OR8B2: variants seen among roughly 807,000 people sequenced by gnomAD.
The protein encoded by OR8B2 is olfactory receptor 8B2.
For synonymous variants in OR8B2, 98 were observed against 138.2 expected (o/e 0.71, Z 2.04); for missense variants, 304 against 379.6 (o/e 0.80, Z 1.65).
At position 124,382,449 on chromosome 11, in the gene OR8B2, C is replaced by A. The variant is rs775515025; in HGVS notation, c.895G>T (p.Ala299Ser). 14 of 1,613,314 alleles carry A rather than the reference C, an allele frequency of 8.7e-6. No homozygotes were observed. In the East Asian group the frequency reaches 2.7e-4, roughly 31 times the overall value. ...YSLRNKDVKV[A>S]LRKALIKIQR... ...ATTTTAATCAGAGCTTTCCTCAGTGCAACTTTGACATCCTTGTTCCTCAAA... is the reference window on the plus strand; with the variant it reads ...ATTTTAATCAGAGCTTTCCTCAGTGAAACTTTGACATCCTTGTTCCTCAAA... Residue 299 changes from alanine to serine, a missense_variant, in exon 2 of 2, where the codon GCA becomes TCA. Physicochemically the swap from Ala to Ser is moderately conservative, Grantham distance 99. Coordinates refer to ENST00000641451, the MANE Select transcript of OR8B2 (RefSeq NM_001005468.2).
chr11:124,384,696 A>ATCC (rs775420229), upstream of OR8B2, among the ~76,000 whole-genome samples: 6 of 152,218 alleles, frequency 3.9e-5, no homozygotes, highest in Non-Finnish European at 8.8e-5. Flanking sequence ...CTGATTACAT[A>ATCC]CCAACAGTAA....
chr11:124,396,179 C>A, the OR8B2 span: 1 of 437,552 alleles, frequency 2.3e-6, no homozygotes, highest in Non-Finnish European at 4.0e-6. Flanking sequence ...TGAAAAATAT[C>A]AGTGCATATG....
At chr11:124,386,777 A>T (rs1364427241), upstream of OR8B2, among the ~76,000 whole-genome samples, 4 of 151,318 alleles carry the variant, frequency 2.6e-5, no homozygotes, top group African/African-American at 4.9e-5. Flanking sequence ...ATACCCAGTA[A>T]TGGGATGGCT....
At position 124,382,769 on chromosome 11, in the gene OR8B2, G is replaced by A. The variant is rs1860617006; in HGVS notation, c.575C>T (p.Thr192Ile). 2.5e-6 allele frequency: 4 copies of A among 1,613,494 alleles called. No homozygotes were observed. Among genetic ancestry groups the A allele is most frequent in the Admixed American group, 3.3e-5 (2 of 59,916 alleles). Residue 192 changes from threonine (T) to isoleucine (I), a missense_variant, in exon 2 of 2, where the codon ACC (threonine) becomes ATC (isoleucine). Transcript: ENST00000641451. ...LPLLQLSCTS[T>I]YVNEVVVLIV... The stretch of plus-strand genomic sequence containing the variant: ...GAGAACAACCACCTCGTTGACATAG[G>A]TGCTGGTGCAGGAAAGCTGGAGGAG...
chr11:124,385,107 T>C (rs1274551455), upstream of OR8B2, among the ~76,000 whole-genome samples: 2 of 152,156 alleles, frequency 1.3e-5, no homozygotes, highest in African/African-American at 4.8e-5. Flanking sequence ...TTGTGTAACA[T>C]AGAATGATCC....
chr11:124,395,636 AT>A, the OR8B2 span: 1 of 152,154 alleles, frequency 6.6e-6, no homozygotes. Context: ...TTTTTTCAAA[AT>A]TTTCAATGCT....
the OR8B2 span, among the ~76,000 whole-genome samples, chr11:124,390,201 A>G: frequency 6.6e-6 from 1 of 152,196 alleles, no homozygotes; most frequent in African/African-American, 2.4e-5. Flanking sequence ...TAGGTAATGT[A>G]GTGAAAGAGG....
chr11:124,397,253 C>T, the OR8B2 span: 3 of 1,510,248 alleles, frequency 2.0e-6, no homozygotes, highest in Non-Finnish European at 1.8e-6. Context: ...CAATGTAGAC[C>T]ACTAGAAACA....
At chr11:124,395,140 A>G in the OR8B2 span, among the ~76,000 whole-genome samples, 1 of 151,948 alleles carries the variant, frequency 6.6e-6, no homozygotes, top group Non-Finnish European at 1.5e-5. Context: ...AACCATACAA[A>G]AAAAAAAAGC....
At chr11:124,396,587 C>T in the OR8B2 span, 124 of 1,612,348 alleles carry the variant, frequency 7.7e-5, no homozygotes, top group Non-Finnish European at 9.9e-5. Context: ...ACATGAATGC[C>T]GCTGACCCAA....
upstream of OR8B2, among the ~76,000 whole-genome samples, chr11:124,385,491 CGTGTGTGTGTGT>C (rs57427804): frequency 6.8e-6 from 1 of 147,984 alleles, no homozygotes. Flanking sequence ...ATTTAACATG[CGTGTGTGTGTGT>C]GTGTGTGTGT....
At chr11:124,391,355 G>A in the OR8B2 span, among the ~76,000 whole-genome samples, 5 of 150,962 alleles carry the variant, frequency 3.3e-5, no homozygotes, top group Non-Finnish European at 7.4e-5. Flanking sequence ...CAATAAAATT[G>A]ATAGACCACT....
At chr11:124,393,779 C>T in the OR8B2 span, among the ~76,000 whole-genome samples, 1 of 151,720 alleles carries the variant, frequency 6.6e-6, no homozygotes, top group East Asian at 1.9e-4. Context: ...GACTATAAAT[C>T]ATGCTGCTAT....
the OR8B2 span, chr11:124,396,277 C>T: frequency 1.2e-6 from 1 of 858,918 alleles, no homozygotes; most frequent in African/African-American, 1.7e-5. Context: ...AAGATGATTT[C>T]ATAAGAGAAA....
the OR8B2 span, among the ~76,000 whole-genome samples, chr11:124,393,912 A>T: frequency 6.6e-6 from 1 of 151,284 alleles, no homozygotes; most frequent in Non-Finnish European, 1.5e-5. Context: ...ACACCATGGA[A>T]TACTATGCAG....
the OR8B2 span, among the ~76,000 whole-genome samples, chr11:124,390,002 G>A: frequency 6.6e-6 from 1 of 152,150 alleles, no homozygotes. Context: ...ATAGAAAGGG[G>A]ATGCATAACC....
chr11:124,383,244 T>G lies in OR8B2; in HGVS notation c.100A>C (p.Ile34Leu). 6.4e-7 allele frequency: 1 copy of G among 1,559,946 alleles called. No homozygotes were observed. Among genetic ancestry groups the G allele is most frequent in the Non-Finnish European group, 8.8e-7 (1 of 1,131,312 alleles). ...TTGCCTACCATGGTGACAATGTAGA[T>G]CACTAGAAACAGGAAAAAGAGGGGT... ...RQPLFFLFLV[I>L]YIVTMVGNLG... is the part of the protein sequence containing the mutation. The change falls in exon 2 of 2, where the codon ATC becomes CTC. Residue 34 changes from isoleucine (I) to leucine (L), a missense_variant. Physicochemically the swap from Ile to Leu is conservative, Grantham distance 5. Coordinates refer to ENST00000641451, the MANE Select transcript of OR8B2 (RefSeq NM_001005468.2).
At chr11:124,385,647 TA>T (rs1591431100), upstream of OR8B2, among the ~76,000 whole-genome samples, 2 of 110,162 alleles carry the variant, frequency 1.8e-5, no homozygotes, top group African/African-American at 3.6e-5. Context: ...TTTTTTTTTT[TA>T]AAGACAGGGT....
upstream of OR8B2, among the ~76,000 whole-genome samples, chr11:124,386,827 G>C (rs927209204): frequency 6.6e-6 from 1 of 151,930 alleles, no homozygotes; most frequent in Non-Finnish European, 1.5e-5. Flanking sequence ...CCTGAGGAAT[G>C]GCCACACTGA....
Sources: gnomAD v4.1 joint callset for allele counts (sites outside exome capture counted in the v4.1 genomes callset) on GRCh38, gnomAD v4.1.1 for gene constraint, MANE v1.5 for transcripts, NCBI Gene and HGNC (gene_info 2026-07-23, HGNC 2026-07-21) for gene names.